SOAT2: variants seen among roughly 807,000 people sequenced by gnomAD.
The protein encoded by SOAT2 is ACAT-2.
Under a neutral mutation model 76.0 loss-of-function variants are expected in SOAT2, and 87 were observed. The observed-to-expected ratio is 1.14, with a 90% CI of 0.96 to 1.37. The LOEUF (loss-of-function observed/expected upper bound fraction) is 1.37, where lower values mean the gene tolerates loss of function less well. SOAT2 is among the 40% of genes most tolerant of loss of function. The pLI is 0.00. For missense variants in SOAT2, 686 were observed against 682.1 expected (o/e 1.01, Z -0.06); for synonymous variants, 285 against 275.4 (o/e 1.03, Z -0.34).
chr12:53,118,561 T>G, intron 8 of SOAT2, 127 bp downstream of exon 8: 1 of 720,844 alleles, frequency 1.4e-6, no homozygotes, highest in Non-Finnish European at 2.4e-6. Flanking sequence ...CATCTCATAA[T>G]AAAGATGGGA....
At chr12:53,116,023 C>G in intron 6 of SOAT2, 74 bp from the exon 7 acceptor site, 3 of 1,313,542 alleles carry the variant, frequency 2.3e-6, no homozygotes, top group Non-Finnish European at 2.2e-6. Context: ...CAGAGGTAAC[C>G]CAGAGCACAG....
intron 2 of SOAT2, 80 bp from the exon 3 acceptor site, chr12:53,105,027 A>C: frequency 4.9e-6 from 7 of 1,419,870 alleles, no homozygotes; most frequent in South Asian, 1.3e-5. Flanking sequence ...TGGCATAGAC[A>C]GAAATTCAGT....
At position 53,123,859 on chromosome 12, in the gene SOAT2, T is replaced by A; in HGVS notation, c.1504T>A (p.Cys502Ser). ...YCQEWYARRH[C>S]PLPQATFWGL... The stretch of plus-strand genomic sequence containing the variant: ...CCAGGAGTGGTACGCACGGCGGCAC[T>A]GCCCCTTACCCCAGGTAAGAGACCA... The change falls in exon 14 of 15, where the codon TGC becomes AGC. Residue 502 changes from cysteine (C) to serine (S), a missense_variant. Physicochemically the swap from Cys to Ser is moderately radical, Grantham distance 112 (BLOSUM62 -1). Transcript: ENST00000301466. 1 of 1,614,130 alleles carries A rather than the reference T, an allele frequency of 6.2e-7. No individual in the cohort carries two copies. Among genetic ancestry groups the A allele is most frequent in the South Asian group, 1.1e-5 (1 of 91,078 alleles).
chr12:53,122,479 GC>G (rs1360206978), intron 12 of SOAT2, among the ~76,000 whole-genome samples: 7 of 145,834 alleles, frequency 4.8e-5, no homozygotes, highest in Non-Finnish European at 1.0e-4. Flanking sequence ...GGACCCTGCG[GC>G]CTTCCGCAGT....
chr12:53,115,934 A>G (rs1667752788), intron 6 of SOAT2, among the ~76,000 whole-genome samples, 163 bp from the exon 7 acceptor site: 2 of 152,216 alleles, frequency 1.3e-5, no homozygotes, highest in African/African-American at 2.4e-5. Context: ...ATCCCAGCAT[A>G]TGTTAGGCTA....
chr12:53,115,751 G>A, intron 6 of SOAT2, 97 bp downstream of exon 6: 1 of 1,372,022 alleles, frequency 7.3e-7, no homozygotes, highest in Admixed American at 3.0e-5. Flanking sequence ...GGGCCCACGA[G>A]AGGGAGGCGC....
chr12:53,114,069 G>A (rs749729742), intron 5 of SOAT2, among the ~76,000 whole-genome samples: 2 of 152,058 alleles, frequency 1.3e-5, no homozygotes, highest in Admixed American at 6.6e-5. Flanking sequence ...AAGGGCACTG[G>A]CTTTTAATAT....
At chr12:53,107,454 A>G (rs1346679824) in intron 5 of SOAT2, among the ~76,000 whole-genome samples, 2 of 152,184 alleles carry the variant, frequency 1.3e-5, no homozygotes, top group Non-Finnish European at 2.9e-5. Context: ...CTTAGGTTTC[A>G]GTGATTACCA....
chr12:53,114,076 A>G (rs182070770), intron 5 of SOAT2, among the ~76,000 whole-genome samples: 1 of 152,212 alleles, frequency 6.6e-6, no homozygotes, highest in African/African-American at 2.4e-5. Context: ...CTGGCTTTTA[A>G]TATTTAACTT....
At position 53,105,553 on chromosome 12, in the gene SOAT2, C is replaced by A; in HGVS notation, c.276-8C>A. On this transcript the variant is annotated splice_region_variant and splice_polypyrimidine_tract_variant and intron_variant, in intron 3 of 14. Coordinates refer to ENST00000301466, the MANE Select transcript of SOAT2 (RefSeq NM_003578.4). ...TTTTCCTGACCCTGAACAAACATCT[C>A]AATTCAGGACCCAGGAGCCATCCCT... is the stretch of plus-strand genomic sequence containing the variant. The A allele has an allele frequency of 6.2e-7, 1 of 1,610,182 alleles. No homozygotes were observed. The highest frequency in any genetic ancestry group is 1.1e-5 in the South Asian group (1 of 90,206).
rs1464045055 is a variant in SOAT2 at position 53,115,561 on chromosome 12, C to T, written c.615C>T (p.Ala205=). 1.3e-6 allele frequency: 2 copies of T among 1,590,982 alleles called. No individual in the cohort carries two copies. Among genetic ancestry groups the T allele is most frequent in the African/African-American group, 1.3e-5 (1 of 74,702 alleles). ...QATGLGCALL[A]AHAVVLCALP... ...CGGGCCTGGGCTGTGCGCTGCTAGC[C>T]GCCCACGCCGTGGTGCTCTGCGCGC... Residue 205 remains alanine (A), a synonymous_variant, in exon 6 of 15, where the codon GCC becomes GCT. Coordinates refer to ENST00000301466, the MANE Select transcript of SOAT2 (RefSeq NM_003578.4).
chr12:53,118,216 A>C, intron 7 of SOAT2, 134 bp from the exon 8 acceptor site: 7 of 612,270 alleles, frequency 1.1e-5, no homozygotes, highest in South Asian at 1.8e-5. Context: ...TCCTACGTCC[A>C]GCTCCTTGCT....
At chr12:53,119,065 A>C in intron 9 of SOAT2, 59 bp from the exon 10 acceptor site, 1 of 1,611,648 alleles carries the variant, frequency 6.2e-7, no homozygotes, top group South Asian at 1.1e-5. Context: ...GCCAGAGGTC[A>C]ATGCCACCGG....
intron 5 of SOAT2, among the ~76,000 whole-genome samples, chr12:53,110,992 T>C (rs950763030): frequency 6.6e-5 from 10 of 152,220 alleles, no homozygotes; most frequent in Non-Finnish European, 2.9e-5. Flanking sequence ...TACATTTTTA[T>C]TGGAAAATAC....
chr12:53,123,081 C>T lies in SOAT2; in HGVS notation c.1237C>T (p.Leu413Phe). The change falls in exon 13 of 15, where the codon CTC becomes TTC. Residue 413 changes from leucine (L) to phenylalanine (F), a missense_variant and splice_region_variant. Physicochemically the swap from Leu to Phe is conservative, Grantham distance 22. Transcript: ENST00000301466. ...TTCACTCCTTTCCTCACCCTGCCAG[C>T]TCCTTGGTGCCCGGGCCCGAGGGGT... ...YSYVYQDGLR[L>F]LGARARGVAM... 6.2e-7 allele frequency: 1 copy of T among 1,611,328 alleles called. No homozygotes were observed. Among genetic ancestry groups the T allele is most frequent in the Admixed American group, 1.7e-5 (1 of 59,252 alleles).
chr12:53,124,161 C>G lies in SOAT2; in HGVS notation c.*38C>G. On this transcript the variant is annotated 3_prime_UTR_variant, in exon 15 of 15. Transcript: ENST00000301466. ...ACGACGCTACCTGCCCAGACACCAC[C>G]AAGTTCTCTGCCTGCAAAACCTGGG... 1 of 1,611,408 alleles carries G rather than the reference C, an allele frequency of 6.2e-7. No individual in the cohort carries two copies. Among genetic ancestry groups the G allele is most frequent in the African/African-American group, 1.3e-5 (1 of 74,994 alleles).
rs1159322005 is a variant in SOAT2 at position 53,120,812 on chromosome 12, T to C, written c.1066T>C (p.Phe356Leu). 7 of 1,614,004 alleles carry C rather than the reference T, an allele frequency of 4.3e-6. No individual in the cohort carries two copies. Among genetic ancestry groups the C allele is most frequent in the Admixed American group, 3.3e-5 (2 of 60,012 alleles). Residue 356 changes from phenylalanine to leucine, a missense_variant, in exon 11 of 15, where the codon TTT becomes CTT. Physicochemically the swap from Phe to Leu is conservative, Grantham distance 22. Transcript: ENST00000301466. Reference sequence around the variant, plus strand: ...CATCTTCATGCTGCTGCTCATCTTCTTTGCCTTCCTCCATTGCTGGCTCAA... The same window carrying C: ...CATCTTCATGCTGCTGCTCATCTTCCTTGCCTTCCTCCATTGCTGGCTCAA... ...PGIFMLLLIF[F>L]AFLHCWLNAF...
At chr12:53,115,249 C>T in intron 5 of SOAT2, 141 bp from the exon 6 acceptor site, 1 of 885,184 alleles carries the variant, frequency 1.1e-6, no homozygotes, top group Non-Finnish European at 1.7e-6. Context: ...CACAGAGGTG[C>T]CGTCTTGAAC....
intron 12 of SOAT2, among the ~76,000 whole-genome samples, chr12:53,122,334 A>G (rs532035598): frequency 4.2e-4 from 63 of 148,416 alleles, no homozygotes; most frequent in African/African-American, 1.4e-3. Context: ...TAAACCCCAA[A>G]CTACCTTTTT....
Sources: gnomAD v4.1 joint callset for allele counts (sites outside exome capture counted in the v4.1 genomes callset) on GRCh38, gnomAD v4.1.1 for gene constraint, MANE v1.5 for transcripts, NCBI Gene and HGNC (gene_info 2026-07-23, HGNC 2026-07-21) for gene names.